SLX4IP: variants seen among roughly 807,000 people sequenced by gnomAD.
SLX4IP encodes the protein protein SLX4IP.
A neutral mutation model predicts 32.9 loss-of-function variants in SLX4IP; 34 were observed. That is an observed-to-expected ratio of 1.03 (90% confidence interval 0.79 to 1.38). The LOEUF (loss-of-function observed/expected upper bound fraction) is 1.38, where lower values mean the gene tolerates loss of function less well. Among genes scored for constraint, SLX4IP ranks in the 40% most tolerant of loss-of-function variants. The pLI is 0.00. For synonymous variants in SLX4IP, 172 were observed against 171.7 expected, an observed-to-expected ratio of 1.00 and a Z score of -0.01; for missense variants, 444 against 479.0, an observed-to-expected ratio of 0.93 and a Z score of 0.68.
At chr20:10,474,582 AT>A (rs1600907601) in intron 2 of SLX4IP, among the ~76,000 whole-genome samples, 1 of 151,730 alleles carries the variant, frequency 6.6e-6, no homozygotes, top group East Asian at 1.9e-4. Flanking sequence ...CCCCGCTCCC[AT>A]TTGTGGTCAA....
In SLX4IP at chr20:10,523,560, C is replaced by T. The variant is rs1324795588; in HGVS notation, c.28-32671C>T. Among the ~76,000 whole-genome samples, 3 of 152,330 alleles carry T rather than the reference C, an allele frequency of 2.0e-5. No homozygotes were observed. In the East Asian group the frequency reaches 5.8e-4, roughly 29 times the overall value. On this transcript the variant is annotated intron_variant, in intron 2 of 7. Transcript: ENST00000334534. ...ACCTTTGTAAATGTTGCATTAAACA[C>T]TAATGACTTTCTAAAATGAGACTGT...
At chr20:10,494,725 C>A (rs1363278350) in intron 2 of SLX4IP, among the ~76,000 whole-genome samples, 1 of 152,068 alleles carries the variant, frequency 6.6e-6, no homozygotes, top group African/African-American at 2.4e-5. Flanking sequence ...TTCCTCCTAT[C>A]TCCCCCTGGC....
chr20:10,599,812 T>C (rs546987212), intron 5 of SLX4IP, among the ~76,000 whole-genome samples: 24 of 152,284 alleles, frequency 1.6e-4, no homozygotes, highest in African/African-American at 5.8e-4. Context: ...GCCTAAATAT[T>C]TAATTAAATA....
intron 6 of SLX4IP, among the ~76,000 whole-genome samples, chr20:10,616,899 C>T (rs2067040906): frequency 1.3e-5 from 2 of 152,214 alleles, no homozygotes; most frequent in African/African-American, 2.4e-5. Flanking sequence ...TCCTTTCCCT[C>T]AAGGGCCTCA....
At chr20:10,566,811 G>A (rs1278288065) in intron 4 of SLX4IP, among the ~76,000 whole-genome samples, 2 of 152,174 alleles carry the variant, frequency 1.3e-5, no homozygotes, top group East Asian at 3.8e-4. Flanking sequence ...CAGAATCGCA[G>A]TGGTGGTGAT....
intron 6 of SLX4IP, among the ~76,000 whole-genome samples, chr20:10,604,023 T>C (rs948745755): frequency 1.3e-5 from 2 of 152,254 alleles, no homozygotes. Context: ...GGCATTCTTA[T>C]CACTTGTTCC....
chr20:10,495,834 T>A (rs989259447), intron 2 of SLX4IP, among the ~76,000 whole-genome samples: 3 of 151,888 alleles, frequency 2.0e-5, no homozygotes, highest in Non-Finnish European at 2.9e-5. Flanking sequence ...AAACATTTAC[T>A]TTTCAAGCCC....
chr20:10,625,391 C>T lies in SLX4IP; in HGVS notation c.*2012C>T, dbSNP rs1219578671. The T allele has an allele frequency of 6.6e-6, 1 of 152,348 alleles. No individual in the cohort carries two copies. Among genetic ancestry groups the T allele is most frequent in the East Asian group, 1.9e-4 (1 of 5,190 alleles). The allele number at this position is 152,348 out of a possible 1,614,324, so 9.4% of individuals were successfully genotyped here. On this transcript the variant is annotated 3_prime_UTR_variant, in exon 8 of 8. Transcript: ENST00000334534. ...AAGACGGCTGTACTAGAACAGTAGC[C>T]ACTGCCTGCTCCAGAACTAGGGGGG...
rs2067107752 is a variant in SLX4IP at position 10,621,243 on chromosome 20, A to G, written c.406-71A>G. ...AATAAATGTGTTCATTGGGGCATTCAGAGTGTAACTGTTTTCTCTCATGTT... is the reference window on the plus strand; with the variant it reads ...AATAAATGTGTTCATTGGGGCATTCGGAGTGTAACTGTTTTCTCTCATGTT... On this transcript the variant is annotated intron_variant, in intron 6 of 7. Transcript: ENST00000334534. 2.3e-6 allele frequency: 3 copies of G among 1,327,282 alleles called. No homozygotes were observed. In the Admixed American group the frequency reaches 5.1e-5, roughly 23 times the overall value. The allele number at this position is 1,327,282 out of a possible 1,614,324, so 82.2% of individuals were successfully genotyped here.
At chr20:10,448,943 A>G (rs1373606440) in intron 1 of SLX4IP, among the ~76,000 whole-genome samples, 1 of 152,200 alleles carries the variant, frequency 6.6e-6, no homozygotes, top group African/African-American at 2.4e-5. Flanking sequence ...TTTTTCACCC[A>G]GCAGGCTTTT....
At chr20:10,440,122 T>C (rs2065148664) in intron 1 of SLX4IP, among the ~76,000 whole-genome samples, 1 of 152,118 alleles carries the variant, frequency 6.6e-6, no homozygotes, top group Non-Finnish European at 1.5e-5. Context: ...TATCTTCTAG[T>C]TAGAAAAGAT....
intron 2 of SLX4IP, among the ~76,000 whole-genome samples, chr20:10,521,842 G>T (rs912793176): frequency 2.0e-5 from 3 of 152,218 alleles, no homozygotes; most frequent in Non-Finnish European, 4.4e-5. Flanking sequence ...ATCTGAAAGT[G>T]TTTAAATTTA....
intron 4 of SLX4IP, among the ~76,000 whole-genome samples, chr20:10,584,885 G>C (rs2122530059): frequency 6.6e-6 from 1 of 152,282 alleles, no homozygotes; most frequent in South Asian, 2.1e-4. Flanking sequence ...AAAAGACCTA[G>C]CACCTTATAA....
chr20:10,502,759 CTAAA>C (rs1183743794), intron 2 of SLX4IP, among the ~76,000 whole-genome samples: 2 of 151,614 alleles, frequency 1.3e-5, no homozygotes, highest in African/African-American at 4.9e-5. Context: ...ATCTAATGGG[CTAAA>C]TAGTTTCCTT....
intron 5 of SLX4IP, among the ~76,000 whole-genome samples, chr20:10,599,473 T>A (rs1317031179): frequency 6.6e-6 from 1 of 152,148 alleles, no homozygotes; most frequent in African/African-American, 2.4e-5. Context: ...ACTCTGTCAC[T>A]CAGGCTGGAG....
At chr20:10,581,157 G>C (rs1485403752) in intron 4 of SLX4IP, among the ~76,000 whole-genome samples, 2 of 152,112 alleles carry the variant, frequency 1.3e-5, no homozygotes, top group Non-Finnish European at 1.5e-5. Context: ...CAGAGTAGCA[G>C]TGTGTCCAGA....
At position 10,523,176 on chromosome 20, in the gene SLX4IP, T is replaced by C. The variant is rs561569852; in HGVS notation, c.28-33055T>C. ...ATAGAGCAGGTGGGGACTATCTCTC[T>C]GGCCAGAAGGATCTCAAGCTGGTTT... On this transcript the variant is annotated intron_variant, in intron 2 of 7. Transcript: ENST00000334534. 6.6e-5 allele frequency among the ~76,000 whole-genome samples: 10 copies of C among 152,300 alleles called. No homozygotes were observed. The East Asian group carries it at 1.4e-3, about 21-fold the overall frequency.
chr20:10,471,848 A>G (rs549529884), intron 2 of SLX4IP, among the ~76,000 whole-genome samples: 4 of 152,322 alleles, frequency 2.6e-5, no homozygotes, highest in East Asian at 1.9e-4. Context: ...GTTCTTCTCA[A>G]TGATACCCTC....
At chr20:10,608,117 A>G (rs997031409) in intron 6 of SLX4IP, among the ~76,000 whole-genome samples, 17 of 152,230 alleles carry the variant, frequency 1.1e-4, no homozygotes, top group African/African-American at 3.8e-4. Context: ...CGTGATCTCC[A>G]TTGATGAACC....
Sources: allele counts gnomAD v4.1 joint callset (sites outside exome capture counted in the v4.1 genomes callset), GRCh38; gene constraint gnomAD v4.1.1; transcripts MANE v1.5; gene names NCBI Gene and HGNC (gene_info 2026-07-23, HGNC 2026-07-21).